PINX1: variants seen among roughly 807,000 people sequenced by gnomAD.
The protein encoded by PINX1 is PIN2/TERF1-interacting telomerase inhibitor 1.
Under a neutral mutation model 25.4 loss-of-function variants are expected in PINX1, and 34 were observed. That is an observed-to-expected ratio of 1.34 (90% CI 1.02 to 1.78). The LOEUF (loss-of-function observed/expected upper bound fraction) is 1.78. Among genes scored for constraint, PINX1 ranks in the 40% most tolerant of loss-of-function variants. The probability of loss-of-function intolerance (pLI) is 0.00; values close to 1 mark genes in which losing one functional copy is unlikely to be tolerated. For missense variants in PINX1, 592 were observed against 404.9 expected (o/e 1.46, Z -3.97); for synonymous variants, 197 against 147.7 (o/e 1.33, Z -2.42).
intron 1 of PINX1, among the ~76,000 whole-genome samples, chr8:10,837,083 G>T (rs940831109): frequency 1.2e-4 from 18 of 152,180 alleles, no homozygotes; most frequent in Non-Finnish European, 2.2e-4. Context: ...GGGAACTCAA[G>T]GGTTCCCACC....
chr8:10,809,379 G>A (rs11989918), intron 6 of PINX1, among the ~76,000 whole-genome samples: 2,021 of 152,322 alleles, frequency 0.013, 41 homozygotes, highest in African/African-American at 0.046. Flanking sequence ...TTGATTTACA[G>A]ACCACTGACA....
intron 5 of PINX1, among the ~76,000 whole-genome samples, chr8:10,824,574 A>G (rs774712245): frequency 3.3e-5 from 5 of 152,228 alleles, no homozygotes; most frequent in Admixed American, 6.5e-5. Flanking sequence ...AGGGTCACCC[A>G]GCAAAGGAGT....
At chr8:10,779,012 T>C (rs1047522146) in intron 6 of PINX1, among the ~76,000 whole-genome samples, 2 of 152,162 alleles carry the variant, frequency 1.3e-5, no homozygotes, top group Admixed American at 6.5e-5. Context: ...TATCACATGA[T>C]TGAAATGGGA....
chr8:10,794,976 A>G (rs776681935), intron 6 of PINX1, among the ~76,000 whole-genome samples: 2 of 152,168 alleles, frequency 1.3e-5, no homozygotes, highest in Non-Finnish European at 2.9e-5. Context: ...GTGGTGATAA[A>G]GGAGGGTGAC....
chr8:10,792,019 C>A (rs979774494), intron 6 of PINX1, among the ~76,000 whole-genome samples: 3 of 152,208 alleles, frequency 2.0e-5, no homozygotes, highest in African/African-American at 7.2e-5. Flanking sequence ...GCCAGGACCG[C>A]CCCCTCTCTC....
intron 6 of PINX1, among the ~76,000 whole-genome samples, chr8:10,779,597 G>T (rs1358383345): frequency 1.3e-5 from 2 of 152,020 alleles, no homozygotes; most frequent in Non-Finnish European, 2.9e-5. Context: ...TGTAACTATT[G>T]TGTGTATAAT....
chr8:10,828,901 C>G (rs1449487316), intron 4 of PINX1, among the ~76,000 whole-genome samples: 1 of 152,166 alleles, frequency 6.6e-6, no homozygotes, highest in Non-Finnish European at 1.5e-5. Flanking sequence ...CTACGCTAAC[C>G]CAGCTCATCA....
At chr8:10,827,860 G>A (rs1468622352) in intron 4 of PINX1, among the ~76,000 whole-genome samples, 15 of 132,288 alleles carry the variant, frequency 1.1e-4, no homozygotes, top group African/African-American at 3.1e-4. Flanking sequence ...GCAGCGAGCC[G>A]AAATCACGCC....
chr8:10,836,496 G>C (rs1798411109), intron 1 of PINX1, among the ~76,000 whole-genome samples: 1 of 152,196 alleles, frequency 6.6e-6, no homozygotes, highest in African/African-American at 2.4e-5. Context: ...TTGTACGAAG[G>C]AGACAGTTTT....
chr8:10,804,436 C>T (rs1215787729), intron 6 of PINX1, among the ~76,000 whole-genome samples: 1 of 152,136 alleles, frequency 6.6e-6, no homozygotes, highest in South Asian at 2.1e-4. Flanking sequence ...CAGCAAGCAT[C>T]GGCATCAGGG....
At chr8:10,794,888 AT>A (rs1490053651) in intron 6 of PINX1, among the ~76,000 whole-genome samples, 2 of 152,170 alleles carry the variant, frequency 1.3e-5, no homozygotes, top group Admixed American at 1.3e-4. Flanking sequence ...CAGAAAGACC[AT>A]TTATCTACTG....
At chr8:10,769,530 C>A (rs368165227) in intron 6 of PINX1, among the ~76,000 whole-genome samples, 11 of 152,314 alleles carry the variant, frequency 7.2e-5, no homozygotes, top group African/African-American at 2.6e-4. Flanking sequence ...CATGGGATCA[C>A]CCTGCTCAAT....
chr8:10,804,235 C>T (rs1042897963), intron 6 of PINX1, among the ~76,000 whole-genome samples: 9 of 152,206 alleles, frequency 5.9e-5, no homozygotes, highest in African/African-American at 1.2e-4. Context: ...GATGTCACTG[C>T]GGTGTTAGCC....
intron 6 of PINX1, among the ~76,000 whole-genome samples, chr8:10,767,138 G>A (rs190306942): frequency 7.2e-5 from 11 of 152,268 alleles, no homozygotes; most frequent in African/African-American, 1.7e-4. Flanking sequence ...GGTGGGAAAC[G>A]GCTCCTGAAT....
intron 6 of PINX1, among the ~76,000 whole-genome samples, chr8:10,802,690 C>T (rs908158979): frequency 6.6e-6 from 1 of 152,202 alleles, no homozygotes; most frequent in African/African-American, 2.4e-5. Context: ...TTCTACACCT[C>T]ACTTCGGTCC....
At chr8:10,768,551 G>A (rs1483597015) in intron 6 of PINX1, among the ~76,000 whole-genome samples, 1 of 152,208 alleles carries the variant, frequency 6.6e-6, no homozygotes, top group East Asian at 1.9e-4. Flanking sequence ...CATGGAGACA[G>A]GCTAGAGAGG....
chr8:10,790,713 G>A (rs935344488), intron 6 of PINX1, among the ~76,000 whole-genome samples: 5 of 152,132 alleles, frequency 3.3e-5, no homozygotes, highest in Non-Finnish European at 5.9e-5. Flanking sequence ...CTACCTGCCT[G>A]CCTCAGTCTG....
rs1419687786 is a variant in PINX1 at position 10,794,257 on chromosome 8, T to A, written c.471+25936A>T. Among the ~76,000 whole-genome samples, 3 of 152,208 alleles carry A rather than the reference T, an allele frequency of 2.0e-5. 1 individual carries two copies. Among genetic ancestry groups the A allele is most frequent in the Non-Finnish European group, 2.9e-5 (2 of 68,044 alleles). On this transcript the variant is annotated intron_variant, in intron 6 of 6. Coordinates refer to ENST00000314787, the MANE Select transcript of PINX1 (RefSeq NM_017884.6). ...ATTAAAATTTTAAATTACAATTTTTTAAAAATAAAATTTTAAATTACATTT... is the reference window on the plus strand; with the variant it reads ...ATTAAAATTTTAAATTACAATTTTTAAAAAATAAAATTTTAAATTACATTT...
At chr8:10,776,339 C>T (rs1273866823) in intron 6 of PINX1, among the ~76,000 whole-genome samples, 1 of 152,058 alleles carries the variant, frequency 6.6e-6, no homozygotes, top group Non-Finnish European at 1.5e-5. Context: ...ACAGGAGAAT[C>T]TCCTGAACCT....
Sources: allele counts gnomAD v4.1 joint callset (sites outside exome capture counted in the v4.1 genomes callset), GRCh38; gene constraint gnomAD v4.1.1; transcripts MANE v1.5; gene names NCBI Gene and HGNC (gene_info 2026-07-23, HGNC 2026-07-21).